Variants in TNFRSF10A observed in about 807,000 individuals in gnomAD.
The protein encoded by TNFRSF10A is TNF receptor superfamily member 10a, also known as tumor necrosis factor receptor superfamily member 10A.
A neutral mutation model predicts 42.8 loss-of-function variants in TNFRSF10A; 44 were observed. The ratio of observed to expected loss-of-function variants is 1.03; its 90% CI spans 0.81 to 1.32. TNFRSF10A has a LOEUF of 1.32. TNFRSF10A is among the 40% of genes most tolerant of loss of function. TNFRSF10A has a pLI of 0.00. For missense variants in TNFRSF10A, 680 were observed against 602.0 expected (o/e 1.13, Z -1.36); for synonymous variants, 259 against 234.2 (o/e 1.11, Z -0.97).
At chr8:23,221,007 C>A (rs1165692985) in intron 1 of TNFRSF10A, among the ~76,000 whole-genome samples, 1 of 152,248 alleles carries the variant, frequency 6.6e-6, no homozygotes, top group Non-Finnish European at 1.5e-5. Context: ...CATCTTTGTC[C>A]TAACTTGAAG....
At chr8:23,199,983 C>A in intron 6 of TNFRSF10A, 66 bp from the exon 7 acceptor site, 47 of 1,480,224 alleles carry the variant, frequency 3.2e-5, no homozygotes, top group East Asian at 9.1e-5. Flanking sequence ...TCTTAGAGGG[C>A]AGTGTTGGGC....
chr8:23,214,208 C>T (rs1269451634), intron 1 of TNFRSF10A, among the ~76,000 whole-genome samples: 23 of 151,974 alleles, frequency 1.5e-4, no homozygotes, highest in Admixed American at 1.4e-3. Flanking sequence ...GTTGTTTAGG[C>T]CGGGCGCAGT....
chr8:23,215,489 C>T (rs1351446914), intron 1 of TNFRSF10A, among the ~76,000 whole-genome samples: 3 of 151,860 alleles, frequency 2.0e-5, no homozygotes, highest in Admixed American at 1.3e-4. Context: ...GCCTGCATGA[C>T]AGAGCGAGAC....
chr8:23,200,661 T>TGG (rs1397051823), intron 5 of TNFRSF10A, 26 bp downstream of exon 5: 3 of 1,611,698 alleles, frequency 1.9e-6, no homozygotes, highest in Non-Finnish European at 2.5e-6. Flanking sequence ...CCTCTGCAGC[T>TGG]GGGGCTTCCC....
At chr8:23,223,214 C>T (rs1242491629) in intron 1 of TNFRSF10A, among the ~76,000 whole-genome samples, 3 of 152,122 alleles carry the variant, frequency 2.0e-5, no homozygotes, top group Admixed American at 2.0e-4. Context: ...TACAGGCGGC[C>T]ACCACCACGC....
intron 2 of TNFRSF10A, among the ~76,000 whole-genome samples, chr8:23,205,600 C>G (rs1034631313): frequency 6.6e-6 from 1 of 152,044 alleles, no homozygotes; most frequent in African/African-American, 2.4e-5. Context: ...GAGTTGACAG[C>G]TCCATGTGTG....
At chr8:23,196,115 C>T (rs553163578) in intron 9 of TNFRSF10A, among the ~76,000 whole-genome samples, 2 of 152,292 alleles carry the variant, frequency 1.3e-5, no homozygotes, top group Admixed American at 1.3e-4. Flanking sequence ...CAAATCACTA[C>T]ATCCAATGGG....
chr8:23,211,316 T>C (rs769597464), intron 2 of TNFRSF10A, among the ~76,000 whole-genome samples: 2 of 152,174 alleles, frequency 1.3e-5, no homozygotes, highest in African/African-American at 2.4e-5. Flanking sequence ...CATAAAAAAG[T>C]ATTAAATATC....
intron 2 of TNFRSF10A, chr8:23,206,865 A>C (rs750559964): frequency 1.0e-4 from 23 of 228,596 alleles, no homozygotes; most frequent in Admixed American, 4.7e-5. Flanking sequence ...TAGCAAGTAA[A>C]GATTTTGACT....
At chr8:23,199,950 G>A in intron 6 of TNFRSF10A, 33 bp from the exon 7 acceptor site, 1 of 1,613,982 alleles carries the variant, frequency 6.2e-7, no homozygotes, top group Non-Finnish European at 8.5e-7. Context: ...TAGTGGCCAG[G>A]GAGGGGCCCA....
intron 1 of TNFRSF10A, 35 bp downstream of exon 1, chr8:23,224,721 G>T: frequency 1.3e-6 from 2 of 1,540,640 alleles, no homozygotes; most frequent in Non-Finnish European, 1.7e-6. Context: ...TGCCAGGCGC[G>T]CTTTTCCCCA....
intron 3 of TNFRSF10A, 135 bp downstream of exon 3, chr8:23,202,513 A>T: frequency 1.5e-6 from 1 of 669,882 alleles, no homozygotes; most frequent in East Asian, 2.6e-5. Flanking sequence ...TTATGGACCT[A>T]AGACATAACC....
At chr8:23,194,554 T>A (rs1563376513) in intron 9 of TNFRSF10A, among the ~76,000 whole-genome samples, 1 of 152,194 alleles carries the variant, frequency 6.6e-6, no homozygotes, top group Non-Finnish European at 1.5e-5. Flanking sequence ...AAGATTAAAT[T>A]AATGTTGTTG....
intron 1 of TNFRSF10A, among the ~76,000 whole-genome samples, chr8:23,218,690 A>G (rs1284227421): frequency 6.6e-6 from 1 of 152,104 alleles, no homozygotes; most frequent in African/African-American, 2.4e-5. Context: ...AGGCCTCATG[A>G]AAAAGCACCA....
intron 1 of TNFRSF10A, among the ~76,000 whole-genome samples, chr8:23,216,188 T>C (rs1156641138): frequency 2.0e-5 from 3 of 152,170 alleles, no homozygotes; most frequent in Admixed American, 6.5e-5. Context: ...TTCCTTTTAT[T>C]GTTTGAATTC....
intron 1 of TNFRSF10A, among the ~76,000 whole-genome samples, chr8:23,222,831 A>G (rs1022385992): frequency 3.3e-5 from 5 of 151,998 alleles, no homozygotes; most frequent in Admixed American, 3.3e-4. Flanking sequence ...CCTGGTTGTT[A>G]GAATGAACCT....
rs750426326 is a variant in TNFRSF10A, at chr8:23,197,208, T to C, written c.1015-4A>G. On this transcript the variant is annotated splice_region_variant and splice_polypyrimidine_tract_variant and intron_variant, in intron 8 of 9. Coordinates refer to ENST00000221132, the MANE Select transcript of TNFRSF10A (RefSeq NM_003844.4). ...ACCCTTCAGCTTCTGCCGGTCCCTG[T>C]AACACACAGTGGGGAATGCCTTGGT... is the stretch of plus-strand genomic sequence containing the variant. 1.9e-6 allele frequency: 3 copies of C among 1,614,102 alleles called. No homozygotes were observed. Among genetic ancestry groups the C allele is most frequent in the Non-Finnish European group, 2.5e-6 (3 of 1,179,980 alleles).
chr8:23,202,492 TC>T (rs1800945872), intron 3 of TNFRSF10A, among the ~76,000 whole-genome samples, 155 bp downstream of exon 3: 2 of 152,210 alleles, frequency 1.3e-5, no homozygotes, highest in Admixed American at 1.3e-4. Context: ...ATGATTTCTT[TC>T]TGTTTCATTT....
At chr8:23,224,488 G>A in intron 1 of TNFRSF10A, 1 of 515,424 alleles carries the variant, frequency 1.9e-6, no homozygotes, top group Non-Finnish European at 3.5e-6. Context: ...GGGCAGGAGG[G>A]AGACGCGCCA....
Sources: allele counts gnomAD v4.1 joint callset (sites outside exome capture counted in the v4.1 genomes callset), GRCh38; gene constraint gnomAD v4.1.1; transcripts MANE v1.5; gene names NCBI Gene and HGNC (gene_info 2026-07-23, HGNC 2026-07-21).